The following UBE2V2 variants were observed in gnomAD, a reference collection of about 807,000 sequenced individuals.
UBE2V2 encodes ubiquitin conjugating enzyme E2 V2, also known as ubiquitin-conjugating enzyme E2 variant 2.
A neutral mutation model predicts 17.2 loss-of-function variants in UBE2V2; 9 were observed. The ratio of observed to expected loss-of-function variants is 0.52; its 90% CI spans 0.32 to 0.91. The LOEUF (loss-of-function observed/expected upper bound fraction) is 0.91. UBE2V2 is among the 40% of genes least tolerant of loss of function. The pLI, the probability that UBE2V2 is intolerant of heterozygous loss-of-function variation, is 0.04. For missense variants in UBE2V2, 133 were observed against 182.6 expected, an observed-to-expected ratio of 0.73 and a Z score of 1.56; for synonymous variants, 61 against 57.5, an observed-to-expected ratio of 1.06 and a Z score of -0.28.
At chr8:48,006,995 C>T (rs1211162798), upstream of UBE2V2, among the ~76,000 whole-genome samples, 1 of 152,012 alleles carries the variant, frequency 6.6e-6, no homozygotes, top group Non-Finnish European at 1.5e-5. Context: ...ATTCTCCTGC[C>T]TCAGCCTCCC....
At position 48,021,132 on chromosome 8, in the gene UBE2V2, C is replaced by T. The variant is rs1369424847; in HGVS notation, c.16+12662C>T. Among the ~76,000 whole-genome samples the T allele has an allele frequency of 8.0e-5, 12 of 149,088 alleles. No homozygotes were observed. The East Asian group carries it at 2.4e-3, about 29-fold the overall frequency. ...CACTCTTGTTTCCCAGGCTGGAGTG[C>T]AATGGCGTGATCCCGGCTCACTGCA... On this transcript the variant is annotated intron_variant, in intron 1 of 3. Coordinates refer to ENST00000523111, the MANE Select transcript of UBE2V2 (RefSeq NM_003350.3).
chr8:48,053,736 C>T (rs2091554592), intron 3 of UBE2V2, among the ~76,000 whole-genome samples: 1 of 150,660 alleles, frequency 6.6e-6, no homozygotes, highest in Non-Finnish European at 1.5e-5. Flanking sequence ...AGATTTTTTT[C>T]TTATTAGTAC....
chr8:48,012,819 A>C (rs2091242834), intron 1 of UBE2V2, among the ~76,000 whole-genome samples: 1 of 152,094 alleles, frequency 6.6e-6, no homozygotes, highest in Non-Finnish European at 1.5e-5. Flanking sequence ...GTTTCCATGC[A>C]CCTCACATTC....
At chr8:48,059,702 C>T (rs1802563108) in intron 3 of UBE2V2, among the ~76,000 whole-genome samples, 1 of 152,196 alleles carries the variant, frequency 6.6e-6, no homozygotes, top group African/African-American at 2.4e-5. Flanking sequence ...TGAGCCACCG[C>T]ATCCGGCCCA....
chr8:48,006,757 T>G (rs2091185484), upstream of UBE2V2, among the ~76,000 whole-genome samples: 1 of 152,104 alleles, frequency 6.6e-6, no homozygotes, highest in South Asian at 2.1e-4. Context: ...TGCTAAAAAC[T>G]CTCAATAAAC....
intron 1 of UBE2V2, among the ~76,000 whole-genome samples, chr8:48,022,276 C>A (rs572370439): frequency 1.3e-5 from 2 of 151,646 alleles, no homozygotes; most frequent in African/African-American, 4.8e-5. Flanking sequence ...TAGCTGATTA[C>A]AGGCGGCTGC....
chr8:48,010,698 GTT>G (rs556750645), intron 1 of UBE2V2, among the ~76,000 whole-genome samples: 3 of 98,668 alleles, frequency 3.0e-5, no homozygotes, highest in Admixed American at 1.0e-4. Context: ...GGGTTTGTTT[GTT>G]TTTTTTTTTT....
At chr8:48,031,911 G>T (rs1018711814) in intron 1 of UBE2V2, among the ~76,000 whole-genome samples, 1 of 152,164 alleles carries the variant, frequency 6.6e-6, no homozygotes, top group Non-Finnish European at 1.5e-5. Flanking sequence ...CTCCCAAAGT[G>T]CTGGGATTGC....
chr8:48,047,529 A>G (rs1262166278), intron 2 of UBE2V2, among the ~76,000 whole-genome samples: 1 of 151,600 alleles, frequency 6.6e-6, no homozygotes, highest in South Asian at 2.1e-4. Context: ...CTTGCTTTTT[A>G]TTAGATAACA....
intron 1 of UBE2V2, among the ~76,000 whole-genome samples, chr8:48,036,076 T>C (rs896117442): frequency 6.6e-6 from 1 of 150,708 alleles, no homozygotes; most frequent in Non-Finnish European, 1.5e-5. Flanking sequence ...CATGTTAGCC[T>C]CCGGAGCAGC....
chr8:48,042,532 C>CTTTTTT (rs772465607), intron 1 of UBE2V2: 1 of 135,886 alleles, frequency 7.4e-6, no homozygotes, highest in African/African-American at 2.7e-5. Flanking sequence ...ACTCCTCATT[C>CTTTTTT]TTTTTTTTTT....
intron 1 of UBE2V2, among the ~76,000 whole-genome samples, chr8:48,026,032 A>G (rs965541606): frequency 3.9e-5 from 6 of 151,980 alleles, no homozygotes; most frequent in Admixed American, 3.3e-4. Context: ...TATCCTAAAC[A>G]TTTCAGTATT....
intron 1 of UBE2V2, among the ~76,000 whole-genome samples, chr8:48,018,263 G>A (rs1303348681): frequency 2.0e-5 from 3 of 152,202 alleles, no homozygotes; most frequent in Non-Finnish European, 2.9e-5. Flanking sequence ...CCTGTTTGCA[G>A]AAGACATATG....
intron 1 of UBE2V2, among the ~76,000 whole-genome samples, chr8:48,033,573 T>TA (rs1474763617): frequency 1.3e-5 from 2 of 152,174 alleles, no homozygotes. Flanking sequence ...ATGGTTACTA[T>TA]AGTGAGTCAA....
Position 48,026,203 on chromosome 8 carries a change from G to C in UBE2V2, c.17-16830G>C, listed in dbSNP as rs192189598. Reference sequence around the variant, plus strand: ...AAGAACTTGGTTCCAGGAGTTTTGGGACTGGGAAGATTGGACAACAGCTAT... The same window carrying C: ...AAGAACTTGGTTCCAGGAGTTTTGGCACTGGGAAGATTGGACAACAGCTAT... On this transcript the variant is annotated intron_variant, in intron 1 of 3. Transcript: ENST00000523111. 1.6e-4 allele frequency among the ~76,000 whole-genome samples: 24 copies of C among 152,004 alleles called. No individual in the cohort carries two copies. The East Asian group carries it at 3.3e-3, about 21-fold the overall frequency.
chr8:48,022,135 T>C (rs1022818773), intron 1 of UBE2V2, among the ~76,000 whole-genome samples: 9 of 151,602 alleles, frequency 5.9e-5, no homozygotes, highest in Non-Finnish European at 1.0e-4. Flanking sequence ...GATGTCACAG[T>C]TTGGATCTTT....
intron 1 of UBE2V2, chr8:48,035,107 CT>C (rs578114987): frequency 0.2 from 158,945 of 781,516 alleles, 21 homozygotes; most frequent in Middle Eastern, 0.23. Context: ...CCTATTTATT[CT>C]TTTTTTTTTT....
chr8:48,035,631 T>TTTTTTGTG (rs1554657539), intron 1 of UBE2V2, among the ~76,000 whole-genome samples: 7 of 109,538 alleles, frequency 6.4e-5, no homozygotes, highest in Non-Finnish European at 1.1e-4. Flanking sequence ...TTTTTTTTTT[T>TTTTTTGTG]TGTGTGTGTG....
At chr8:48,006,535 A>G (rs1040994042), upstream of UBE2V2, among the ~76,000 whole-genome samples, 2 of 152,100 alleles carry the variant, frequency 1.3e-5, no homozygotes, top group Admixed American at 1.3e-4. Context: ...ATGCGAAAAT[A>G]CTCAATAAAA....
Sources: gnomAD v4.1 joint callset for allele counts (sites outside exome capture counted in the v4.1 genomes callset) on GRCh38, gnomAD v4.1.1 for gene constraint, MANE v1.5 for transcripts, NCBI Gene and HGNC (gene_info 2026-07-23, HGNC 2026-07-21) for gene names.